NUMBL: variants seen among roughly 807,000 people sequenced by gnomAD.
NUMBL encodes the protein numb-like protein.
A neutral mutation model predicts 48.9 loss-of-function variants in NUMBL; 20 were observed. The ratio of observed to expected loss-of-function variants is 0.41; its 90% CI spans 0.29 to 0.59. The LOEUF (loss-of-function observed/expected upper bound fraction) is 0.59, where lower values mean the gene tolerates loss of function less well. NUMBL is among the 20% of genes least tolerant of loss of function. NUMBL has a pLI of 0.31. For missense variants in NUMBL, 660 were observed against 846.2 expected (o/e 0.78, Z 2.73); for synonymous variants, 340 against 348.7 (o/e 0.98, Z 0.28).
At position 40,681,017 on chromosome 19, in the gene NUMBL, C is replaced by T; in HGVS notation, c.440G>A (p.Cys147Tyr). Reference sequence around the variant, plus strand: ...CTTGTCCAGGTTGCGGTCAGGAGCACAAAAGGAGACCTTTTCGATGGTCTG... The same window carrying T: ...CTTGTCCAGGTTGCGGTCAGGAGCATAAAAGGAGACCTTTTCGATGGTCTG... ...VDQTIEKVSF[C>Y]APDRNLDKAF... Residue 147 changes from cysteine (C) to tyrosine (Y), a missense_variant, in exon 6 of 10, where the codon TGT (cysteine) becomes TAT (tyrosine). Coordinates refer to ENST00000252891, the MANE Select transcript of NUMBL (RefSeq NM_004756.5). The T allele has an allele frequency of 6.2e-7, 1 of 1,614,196 alleles. No homozygotes were observed.
chr19:40,674,608 C>T (rs554833196), intron 7 of NUMBL, among the ~76,000 whole-genome samples: 1 of 152,298 alleles, frequency 6.6e-6, no homozygotes, highest in East Asian at 1.9e-4. Flanking sequence ...GCTGCTTCTC[C>T]CATCGTGACA....
At chr19:40,681,627 T>C (rs2081905676) in intron 5 of NUMBL, among the ~76,000 whole-genome samples, 1 of 152,130 alleles carries the variant, frequency 6.6e-6, no homozygotes, top group African/African-American at 2.4e-5. Context: ...ATGGCTAACA[T>C]TCATTGATCT....
In NUMBL at chr19:40,677,518, C is replaced by T. The variant is rs146409455; in HGVS notation, c.541-97G>A. The T allele has an allele frequency of 2.2e-3, 2,378 of 1,102,334 alleles. 9 individuals are homozygous for T. The highest frequency in any genetic ancestry group is 2.0e-3 in the Non-Finnish European group (1,529 of 783,760). 68.3% of individuals were successfully genotyped at this position (1,102,334 alleles called of 1,614,324 possible). ...ATAGCCGCTAGGTACTGGGTTGCCCCGGATGAGTCTCTGCACTTCTCTGGG... is the reference window on the plus strand; with the variant it reads ...ATAGCCGCTAGGTACTGGGTTGCCCTGGATGAGTCTCTGCACTTCTCTGGG... On this transcript the variant is annotated intron_variant, in intron 6 of 9. Coordinates refer to ENST00000252891, the MANE Select transcript of NUMBL (RefSeq NM_004756.5).
Position 40,667,872 on chromosome 19 carries a change from G to A in NUMBL, c.1426C>T (p.Gln476Ter). 1 of 1,588,334 alleles carries A rather than the reference G, an allele frequency of 6.3e-7. No homozygotes were observed. Among genetic ancestry groups the A allele is most frequent in the Non-Finnish European group, 8.6e-7 (1 of 1,167,422 alleles). The change falls in exon 10 of 10, where the codon CAA becomes TAA. Residue 476 changes from glutamine to a stop codon, truncating the protein, a stop_gained. Coordinates refer to ENST00000252891, the MANE Select transcript of NUMBL (RefSeq NM_004756.5). LOFTEE classifies it low-confidence loss of function (END_TRUNC). The surrounding 1 kb of genome is among the most constrained non-coding windows in gnomAD (Gnocchi z 6.1). ...GGGGGTGGCAGGAACACGGCCACTTGGGCAGGTGCAGCGTCAAAGGGCCCC... is the reference window on the plus strand; with the variant it reads ...GGGGGTGGCAGGAACACGGCCACTTAGGCAGGTGCAGCGTCAAAGGGCCCC... Reference protein sequence around the residue: ...PVGPFDAAPAQVAVFLPPPHM... With the variant: ...PVGPFDAAPA
chr19:40,690,588 G>A lies in NUMBL; in HGVS notation c.-105C>T, dbSNP rs903217831. On this transcript the variant is annotated 5_prime_UTR_variant, in exon 1 of 10. Transcript: ENST00000252891. ...GGCAGCTCGGTCTGACGCCGGCCAGGGCCCGGGGCCGGGGGATGGTGCGGG... is the reference window on the plus strand; with the variant it reads ...GGCAGCTCGGTCTGACGCCGGCCAGAGCCCGGGGCCGGGGGATGGTGCGGG... 2 of 626,354 alleles carry A rather than the reference G, an allele frequency of 3.2e-6. No individual in the cohort carries two copies. The highest frequency in any genetic ancestry group is 3.8e-5 in the African/African-American group (2 of 52,288). 38.8% of individuals were successfully genotyped at this position (626,354 alleles called of 1,614,324 possible). A position where few individuals can be genotyped will look rare whatever the true frequency, so the allele number is the denominator to read the frequency against.
intron 1 of NUMBL, among the ~76,000 whole-genome samples, chr19:40,689,230 C>T (rs1396741492): frequency 6.6e-6 from 1 of 152,090 alleles, no homozygotes; most frequent in Non-Finnish European, 1.5e-5. Context: ...TTATAGTTAC[C>T]GAGGCATACA....
chr19:40,680,864 C>T (rs1158825173), intron 6 of NUMBL, 53 bp downstream of exon 6: 2 of 1,604,772 alleles, frequency 1.2e-6, no homozygotes, highest in African/African-American at 2.7e-5. Flanking sequence ...AGGGGTGGGG[C>T]TGGGATGCCA....
chr19:40,671,826 G>A (rs1169535484), intron 8 of NUMBL, among the ~76,000 whole-genome samples: 1 of 152,072 alleles, frequency 6.6e-6, no homozygotes, highest in Non-Finnish European at 1.5e-5. Context: ...CCTCCCTCAG[G>A]CAAAAACTCA....
chr19:40,677,305 G>A lies in NUMBL; in HGVS notation c.657C>T (p.Phe219=), dbSNP rs528238743. ...TAAFDASRTS[F]AREGSFRLSG... ...ACAGGCGGAAGGAGCCCTCGCGGGC[G>A]AAGCTGGTGCGGCTGGCATCGAAGG... Residue 219 remains phenylalanine, a synonymous_variant, in exon 7 of 10, where the codon TTC becomes TTT. Transcript: ENST00000252891. 2.5e-5 allele frequency: 41 copies of A among 1,611,610 alleles called. No individual in the cohort carries two copies. Among genetic ancestry groups the A allele is most frequent in the Admixed American group, 3.3e-5 (2 of 59,850 alleles).
rs986386498 is a variant in NUMBL, at chr19:40,677,251, C to A, written c.711G>T (p.Glu237Asp). 6.4e-7 allele frequency: 1 copy of A among 1,571,954 alleles called. No homozygotes were observed. ...ACCCACCTTTCTTCTTGTCCGGGGCCTCTCGCTCAGCAGGCCGCCCACCCC... is the reference window on the plus strand; with the variant it reads ...ACCCACCTTTCTTCTTGTCCGGGGCATCTCGCTCAGCAGGCCGCCCACCCC... ...LSGGGRPAER[E>D]APDKKKAEAA... Residue 237 changes from glutamate (E) to aspartate (D), a missense_variant, in exon 7 of 10, where the codon GAG (glutamate) becomes GAT (aspartate). By Grantham distance (45) the Glu-to-Asp change is conservative (BLOSUM62 2). Transcript: ENST00000252891.
chr19:40,678,559 G>A (rs551681959), intron 6 of NUMBL, among the ~76,000 whole-genome samples: 71 of 152,234 alleles, frequency 4.7e-4, no homozygotes, highest in Non-Finnish European at 7.2e-4. Flanking sequence ...TGCAAACCAG[G>A]AAAAGAGCCC....
In NUMBL at chr19:40,688,346, CAT is replaced by C. The variant is rs1217405204; in HGVS notation, c.25-1353_25-1352del. Among the ~76,000 whole-genome samples the C allele has an allele frequency of 6.6e-6, 1 of 152,242 alleles. No homozygotes were observed. Among genetic ancestry groups the C allele is most frequent in the African/African-American group, 2.4e-5 (1 of 41,464 alleles). On this transcript the variant is annotated intron_variant, in intron 1 of 9. Transcript: ENST00000252891. This position sits in a 1 kb window ranked among gnomAD's most constrained non-coding sequence, Gnocchi z 4.6. The stretch of plus-strand genomic sequence containing the variant: ...CAAAGTCACAAGCCCCACCTACACA[CAT>C]ATCTCACACATAGAGACATAAGCAC...
At chr19:40,678,872 C>T (rs950209694) in intron 6 of NUMBL, among the ~76,000 whole-genome samples, 1 of 152,200 alleles carries the variant, frequency 6.6e-6, no homozygotes, top group African/African-American at 2.4e-5. Flanking sequence ...AGGCAAATCA[C>T]TTGAGGCCAG....
chr19:40,677,897 A>T (rs771596050), intron 6 of NUMBL, among the ~76,000 whole-genome samples: 1 of 152,106 alleles, frequency 6.6e-6, no homozygotes, highest in Non-Finnish European at 1.5e-5. Context: ...GAATGACTGG[A>T]AAGTGTATGA....
At chr19:40,670,580 A>C (rs147285463) in intron 8 of NUMBL, among the ~76,000 whole-genome samples, 12 of 151,592 alleles carry the variant, frequency 7.9e-5, no homozygotes, top group African/African-American at 2.7e-4. Context: ...CCATCCAAAT[A>C]AACAATTAAG....
intron 8 of NUMBL, among the ~76,000 whole-genome samples, chr19:40,670,530 G>C (rs2081841804): frequency 6.6e-6 from 1 of 151,900 alleles, no homozygotes; most frequent in Admixed American, 6.5e-5. Flanking sequence ...ACACTGAGCA[G>C]GCATGGCGGC....
At chr19:40,677,105 C>T (rs767194075) in intron 7 of NUMBL, 127 bp downstream of exon 7, 41 of 1,021,480 alleles carry the variant, frequency 4.0e-5, no homozygotes, top group Non-Finnish European at 4.9e-5. Context: ...TGAACCATGG[C>T]GCTTGGCCTG....
chr19:40,679,489 A>T (rs2081894284), intron 6 of NUMBL, among the ~76,000 whole-genome samples: 3 of 152,046 alleles, frequency 2.0e-5, no homozygotes, highest in African/African-American at 7.2e-5. Context: ...GACCAACCTG[A>T]CCTGCATGGA....
Position 40,682,844 on chromosome 19 carries a change from C to G in NUMBL, c.325-42G>C. ...GGACAAAGGAGCCGGGTCAGGGTGC[C>G]TCTCCCTGTCTGACCTTGCCCCCTC... On this transcript the variant is annotated intron_variant, in intron 4 of 9. Coordinates refer to ENST00000252891, the MANE Select transcript of NUMBL (RefSeq NM_004756.5). This position sits in a 1 kb window ranked among gnomAD's most constrained non-coding sequence, Gnocchi z 4.0. 6.2e-7 allele frequency: 1 copy of G among 1,613,800 alleles called. No individual in the cohort carries two copies. The highest frequency in any genetic ancestry group is 8.5e-7 in the Non-Finnish European group (1 of 1,179,704).
Sources: allele counts gnomAD v4.1 joint callset (sites outside exome capture counted in the v4.1 genomes callset), GRCh38; gene constraint gnomAD v4.1.1; non-coding constraint Gnocchi (gnomAD v3.1); transcripts MANE v1.5; gene names NCBI Gene and HGNC (gene_info 2026-07-23, HGNC 2026-07-21).